The following POGLUT3 variants were observed in gnomAD, a reference collection of about 807,000 sequenced individuals.
POGLUT3 encodes KDEL (Lys-Asp-Glu-Leu) containing 2.
Under a neutral mutation model 54.3 loss-of-function variants are expected in POGLUT3, and 48 were observed. The ratio of observed to expected loss-of-function variants is 0.88; its 90% CI spans 0.70 to 1.12. POGLUT3 has a LOEUF of 1.12. POGLUT3 is among the 50% of genes most tolerant of loss of function. The pLI is 0.00. For missense variants in POGLUT3, 629 were observed against 618.7 expected (o/e 1.02, Z -0.18); for synonymous variants, 218 against 237.4 (o/e 0.92, Z 0.75).
At chr11:108,498,135 G>A (rs755548158) in intron 1 of POGLUT3, 30 bp downstream of exon 1, 10 of 1,485,724 alleles carry the variant, frequency 6.7e-6, no homozygotes, top group Non-Finnish European at 8.1e-6. Flanking sequence ...CCCGGCCGCG[G>A]GACGAGGGAG....
chr11:108,489,643 C>T (rs887990055), intron 2 of POGLUT3, among the ~76,000 whole-genome samples: 3 of 152,058 alleles, frequency 2.0e-5, no homozygotes, highest in Non-Finnish European at 2.9e-5. Flanking sequence ...CAAACTAGGC[C>T]GGGCATGGTG....
chr11:108,481,868 A>G, intron 4 of POGLUT3, 138 bp downstream of exon 4: 1 of 623,196 alleles, frequency 1.6e-6, no homozygotes, highest in Non-Finnish European at 2.7e-6. Context: ...AACATCCACA[A>G]ATCTTTAATC....
At chr11:108,490,499 C>A (rs1419791684) in intron 2 of POGLUT3, among the ~76,000 whole-genome samples, 2 of 152,072 alleles carry the variant, frequency 1.3e-5, no homozygotes, top group African/African-American at 4.8e-5. Context: ...CCACGCCCAG[C>A]CTGCAGTGAG....
chr11:108,488,144 C>T (rs2093607051), intron 2 of POGLUT3, among the ~76,000 whole-genome samples: 1 of 152,138 alleles, frequency 6.6e-6, no homozygotes, highest in Non-Finnish European at 1.5e-5. Context: ...CTGCCTCAGC[C>T]TCCTGAATAG....
chr11:108,478,483 C>A (rs1247495758), intron 6 of POGLUT3, among the ~76,000 whole-genome samples: 1 of 152,194 alleles, frequency 6.6e-6, no homozygotes, highest in Admixed American at 6.5e-5. Flanking sequence ...CATGCAAATA[C>A]GCAGTCAACG....
chr11:108,493,525 G>A (rs1034956198), intron 1 of POGLUT3, among the ~76,000 whole-genome samples: 2 of 152,090 alleles, frequency 1.3e-5, no homozygotes, highest in African/African-American at 2.4e-5. Flanking sequence ...GAGGCTCAAC[G>A]GCAGGCGTGG....
intron 3 of POGLUT3, among the ~76,000 whole-genome samples, chr11:108,484,114 A>G (rs1439452358): frequency 6.6e-6 from 1 of 152,148 alleles, no homozygotes; most frequent in South Asian, 2.1e-4. Context: ...TTTGCACTGT[A>G]GGATGCTTAC....
Position 108,491,908 on chromosome 11 carries a change from C to T in POGLUT3, c.203-741G>A, listed in dbSNP as rs573197945. On this transcript the variant is annotated intron_variant, in intron 1 of 7. Transcript: ENST00000323468. ...CAGATCTCTCTAGTAATCGAACTTC[C>T]TCCTTATAAAACACACACAAGCTTT... is the stretch of plus-strand genomic sequence containing the variant. Among the ~76,000 whole-genome samples, 9 of 152,308 alleles carry T rather than the reference C, an allele frequency of 5.9e-5. No individual in the cohort carries two copies. The South Asian group carries it at 1.9e-3, about 32-fold the overall frequency.
intron 1 of POGLUT3, 81 bp downstream of exon 1, chr11:108,498,084 A>T: frequency 8.0e-7 from 1 of 1,253,116 alleles, no homozygotes; most frequent in Non-Finnish European, 1.1e-6. Context: ...GACGCCACGC[A>T]GGCCGCGGGC....
chr11:108,496,824 G>A (rs1215698497), intron 1 of POGLUT3, among the ~76,000 whole-genome samples: 1 of 152,176 alleles, frequency 6.6e-6, no homozygotes, highest in Non-Finnish European at 1.5e-5. Flanking sequence ...CATTTGCTTG[G>A]CATTCAAGGC....
Position 108,481,334 on chromosome 11 carries a change from C to T in POGLUT3, c.944G>A (p.Gly315Asp). ...INKTERAFFR[G>D]RDSREERLQL... is the part of the protein sequence containing the mutation. The stretch of plus-strand genomic sequence containing the variant: ...GAGCCTCTCCTCTCGGCTGTCTCTA[C>T]CTCTGAAGAAAGCTCTCTCTGTTTT... Residue 315 changes from glycine (G) to aspartate (D), a missense_variant, in exon 5 of 8, where the codon GGT (glycine) becomes GAT (aspartate). Coordinates refer to ENST00000323468, the MANE Select transcript of POGLUT3 (RefSeq NM_153705.5). 6.3e-7 allele frequency: 1 copy of T among 1,598,544 alleles called. No individual in the cohort carries two copies. Among genetic ancestry groups the T allele is most frequent in the Non-Finnish European group, 8.5e-7 (1 of 1,175,926 alleles).
intron 5 of POGLUT3, 80 bp from the exon 6 acceptor site, chr11:108,479,575 C>A (rs77000923): frequency 1.0e-6 from 1 of 959,824 alleles, no homozygotes; most frequent in Non-Finnish European, 1.5e-6. Flanking sequence ...ACTGTAATAC[C>A]AACTACAGAG....
intron 3 of POGLUT3, among the ~76,000 whole-genome samples, chr11:108,485,322 CG>C (rs2093600900): frequency 6.6e-6 from 1 of 152,064 alleles, no homozygotes; most frequent in East Asian, 1.9e-4. Context: ...TAGTATTCAG[CG>C]GAACAGAGAA....
intron 3 of POGLUT3, among the ~76,000 whole-genome samples, chr11:108,484,198 A>C (rs2093598349): frequency 6.6e-6 from 1 of 152,152 alleles, no homozygotes; most frequent in Non-Finnish European, 1.5e-5. Context: ...ATGTCCTCTG[A>C]GGGGCAAAAT....
chr11:108,474,587 C>A lies in POGLUT3; in HGVS notation c.*240G>T, dbSNP rs2093576655. The stretch of plus-strand genomic sequence containing the variant: ...AGACTTGGATCTCATCCCCAAGATA[C>A]CTCATTATGTACATGCAAATATTCC... On this transcript the variant is annotated 3_prime_UTR_variant, in exon 8 of 8. Coordinates refer to ENST00000323468, the MANE Select transcript of POGLUT3 (RefSeq NM_153705.5). 3.3e-6 allele frequency: 1 copy of A among 304,186 alleles called. No homozygotes were observed. The highest frequency in any genetic ancestry group is 4.8e-5 in the Admixed American group (1 of 21,016). 18.8% of individuals were successfully genotyped at this position (304,186 alleles called of 1,614,324 possible).
intron 1 of POGLUT3, among the ~76,000 whole-genome samples, 177 bp downstream of exon 1, chr11:108,497,988 G>GGT (rs892953766): frequency 2.6e-5 from 4 of 152,190 alleles, no homozygotes; most frequent in African/African-American, 9.6e-5. Flanking sequence ...AAACTTTCGT[G>GGT]GTGATTTTTG....
chr11:108,483,023 C>T (rs1191927193), intron 3 of POGLUT3, among the ~76,000 whole-genome samples: 1 of 152,198 alleles, frequency 6.6e-6, no homozygotes, highest in Non-Finnish European at 1.5e-5. Flanking sequence ...GCAATAACTT[C>T]CTTACTAGGT....
In POGLUT3 at chr11:108,486,393, AG is replaced by A; in HGVS notation, c.447del (p.Trp150GlyfsTer30). The A allele has an allele frequency of 6.2e-7, 1 of 1,614,160 alleles. No individual in the cohort carries two copies. ...GTTGGACAAGAAAGAGTCTTCTGCC[AG>A]GCCTGAGGATCTTCCGGACACTCAC... ...EYCECPEDPQ[A>X]WQKTLSCPTK... On this transcript the variant is annotated frameshift_variant, in exon 3 of 8. Transcript: ENST00000323468. LOFTEE classifies it high-confidence loss of function.
At chr11:108,484,456 C>T (rs1397509301) in intron 3 of POGLUT3, among the ~76,000 whole-genome samples, 1 of 152,116 alleles carries the variant, frequency 6.6e-6, no homozygotes, top group Non-Finnish European at 1.5e-5. Context: ...ATCAGGAAAA[C>T]TGTGTTTTTT....
Sources: gnomAD v4.1 joint callset for allele counts (sites outside exome capture counted in the v4.1 genomes callset) on GRCh38, gnomAD v4.1.1 for gene constraint, MANE v1.5 for transcripts, NCBI Gene and HGNC (gene_info 2026-07-23, HGNC 2026-07-21) for gene names.